MLLT3: variants seen among roughly 807,000 people sequenced by gnomAD.
MLLT3 encodes the protein MLLT3 super elongation complex subunit, also known as protein AF-9.
MLLT3 carries 4 observed loss-of-function variants against 53.2 expected under a neutral mutation model. The ratio of observed to expected loss-of-function variants is 0.08; its 90% CI spans 0.04 to 0.17. MLLT3 has a LOEUF of 0.17. Ranked by LOEUF, MLLT3 falls within the 10% of genes least tolerant of loss-of-function variation. The pLI is 1.00. For missense variants in MLLT3, 569 were observed against 684.0 expected (o/e 0.83, Z 1.87); for synonymous variants, 283 against 230.6 (o/e 1.23, Z -2.06).
At chr9:20,348,335 T>G (rs1010185106) in intron 10 of MLLT3, among the ~76,000 whole-genome samples, 13 of 152,192 alleles carry the variant, frequency 8.5e-5, no homozygotes, top group Admixed American at 6.5e-4. Flanking sequence ...ATTTACAATT[T>G]ATTTGTCAGA....
chr9:20,401,086 G>A (rs1822442951), intron 5 of MLLT3, among the ~76,000 whole-genome samples: 1 of 151,958 alleles, frequency 6.6e-6, no homozygotes, highest in South Asian at 2.1e-4. Context: ...AGACATTTTT[G>A]GAGCAAACCT....
intron 4 of MLLT3, among the ~76,000 whole-genome samples, chr9:20,443,575 A>C (rs965000687): frequency 6.6e-6 from 1 of 152,228 alleles, no homozygotes; most frequent in African/African-American, 2.4e-5. Context: ...CTAATCTTTA[A>C]ACACAACACA....
At chr9:20,561,166 T>C (rs1587070529) in intron 2 of MLLT3, among the ~76,000 whole-genome samples, 7 of 152,294 alleles carry the variant, frequency 4.6e-5, no homozygotes, top group African/African-American at 1.7e-4. Flanking sequence ...AGCACATGCA[T>C]TTTATTTCTC....
intron 2 of MLLT3, among the ~76,000 whole-genome samples, chr9:20,513,372 A>G (rs1210402702): frequency 6.6e-6 from 1 of 152,210 alleles, no homozygotes; most frequent in African/African-American, 2.4e-5. Flanking sequence ...TACAACACAA[A>G]CATGTGAAAT....
intron 2 of MLLT3, among the ~76,000 whole-genome samples, chr9:20,459,626 T>C (rs532239711): frequency 6.6e-6 from 1 of 152,208 alleles, no homozygotes; most frequent in Non-Finnish European, 1.5e-5. Context: ...ATATACCCTT[T>C]AGTATAATTC....
chr9:20,474,666 A>G (rs560730667), intron 2 of MLLT3, among the ~76,000 whole-genome samples: 1 of 152,130 alleles, frequency 6.6e-6, no homozygotes, highest in East Asian at 1.9e-4. Context: ...GTGCCCTATA[A>G]GCAGTTTGAC....
intron 2 of MLLT3, among the ~76,000 whole-genome samples, chr9:20,483,436 T>C (rs887592055): frequency 2.4e-4 from 37 of 151,706 alleles, no homozygotes; most frequent in African/African-American, 8.9e-4. Flanking sequence ...TCTCACTATG[T>C]TGCCCAGGCT....
chr9:20,366,046 A>T (rs1467799926), intron 5 of MLLT3, among the ~76,000 whole-genome samples: 1 of 152,150 alleles, frequency 6.6e-6, no homozygotes, highest in African/African-American at 2.4e-5. Context: ...TTCATCTTAG[A>T]TATAAAATAC....
chr9:20,538,520 C>T (rs1818542484), intron 2 of MLLT3, among the ~76,000 whole-genome samples: 1 of 152,144 alleles, frequency 6.6e-6, no homozygotes, highest in African/African-American at 2.4e-5. Flanking sequence ...ACATTCCTAT[C>T]TAAATTCACA....
Position 20,444,193 on chromosome 9 carries a change from C to T in MLLT3, c.420+3930G>A, listed in dbSNP as rs185786911. 5.0e-3 allele frequency among the ~76,000 whole-genome samples: 762 copies of T among 152,178 alleles called. 4 individuals carry two copies. The highest frequency in any genetic ancestry group is 9.1e-3 in the Non-Finnish European group (617 of 67,986). ...AGGGAATAGAGAGAAAATTATCTGT[C>T]GTGATCATAAGCCTTTTAATCTTAA... On this transcript the variant is annotated intron_variant, in intron 4 of 10. Coordinates refer to ENST00000380338, the MANE Select transcript of MLLT3 (RefSeq NM_004529.4).
At chr9:20,614,138 T>C (rs947679162) in intron 2 of MLLT3, among the ~76,000 whole-genome samples, 1 of 152,202 alleles carries the variant, frequency 6.6e-6, no homozygotes, top group Admixed American at 6.5e-5. Context: ...CTCATGCCTG[T>C]AATCTCAGCA....
In MLLT3 at chr9:20,592,882, T is replaced by G. The variant is rs188054351; in HGVS notation, c.193+27772A>C. Among the ~76,000 whole-genome samples the G allele has an allele frequency of 1.2e-4, 19 of 152,286 alleles. 1 individual carries two copies. The East Asian group carries it at 1.7e-3, about 14-fold the overall frequency. On this transcript the variant is annotated intron_variant, in intron 2 of 10. Transcript: ENST00000380338. ...CCTGGGAATTTTAAGCCACTTCCTA[T>G]GAGCAACAAAATTTCAGACAAGTTC...
chr9:20,485,055 C>T (rs187218746), intron 2 of MLLT3, among the ~76,000 whole-genome samples: 2 of 151,804 alleles, frequency 1.3e-5, no homozygotes, highest in African/African-American at 4.8e-5. Context: ...GTGGCGCAAT[C>T]TTGGCTCACT....
chr9:20,477,582 A>T (rs1824557267), intron 2 of MLLT3, among the ~76,000 whole-genome samples: 1 of 152,092 alleles, frequency 6.6e-6, no homozygotes, highest in Non-Finnish European at 1.5e-5. Flanking sequence ...AAAATTTTAA[A>T]TTAATAAATA....
At chr9:20,495,107 T>C (rs1825049973) in intron 2 of MLLT3, among the ~76,000 whole-genome samples, 1 of 152,218 alleles carries the variant, frequency 6.6e-6, no homozygotes, top group African/African-American at 2.4e-5. Context: ...TCTGCCATTA[T>C]CTTTTTGCCC....
At chr9:20,351,477 C>T (rs751872208) in intron 10 of MLLT3, among the ~76,000 whole-genome samples, 3 of 152,206 alleles carry the variant, frequency 2.0e-5, no homozygotes, top group Non-Finnish European at 4.4e-5. Flanking sequence ...ACTGTGTCTA[C>T]TCTACTGTAT....
intron 5 of MLLT3, among the ~76,000 whole-genome samples, chr9:20,413,500 C>T (rs1041271443): frequency 2.6e-5 from 4 of 152,262 alleles, no homozygotes; most frequent in African/African-American, 7.2e-5. Flanking sequence ...AATATCTTTC[C>T]TTTAACAACT....
intron 2 of MLLT3, among the ~76,000 whole-genome samples, chr9:20,598,841 T>G (rs543835324): frequency 1.2e-4 from 19 of 152,228 alleles, no homozygotes; most frequent in Non-Finnish European, 2.2e-4. Context: ...AACATAAGTT[T>G]CCAATTTTCT....
chr9:20,476,484 A>G (rs955438316), intron 2 of MLLT3, among the ~76,000 whole-genome samples: 1 of 152,154 alleles, frequency 6.6e-6, no homozygotes, highest in Non-Finnish European at 1.5e-5. Context: ...TATATCAGTC[A>G]CTTGTAAAAT....
Sources: gnomAD v4.1 joint callset for allele counts (sites outside exome capture counted in the v4.1 genomes callset) on GRCh38, gnomAD v4.1.1 for gene constraint, MANE v1.5 for transcripts, NCBI Gene and HGNC (gene_info 2026-07-23, HGNC 2026-07-21) for gene names.